Variants in DOCK2 observed in about 807,000 individuals in gnomAD.
DOCK2 encodes the protein dedicator of cytokinesis 2.
A neutral mutation model predicts 248.9 loss-of-function variants in DOCK2; 87 were observed. The ratio of observed to expected loss-of-function variants is 0.35; its 90% CI spans 0.29 to 0.42. The LOEUF is 0.42. Ranked by LOEUF, DOCK2 falls within the 10% of genes least tolerant of loss-of-function variation. DOCK2 has a pLI of 1.00. For synonymous variants in DOCK2, 805 were observed against 821.6 expected, an observed-to-expected ratio of 0.98 and a Z score of 0.35; for missense variants, 1,747 against 2,300.2, an observed-to-expected ratio of 0.76 and a Z score of 4.92.
In DOCK2 at chr5:170,076,012, C is replaced by T. The variant is rs369880478; in HGVS notation, c.4794C>T (p.Phe1598=). The T allele has an allele frequency of 2.2e-5, 35 of 1,614,006 alleles. No homozygotes were observed. The highest frequency in any genetic ancestry group is 1.6e-4 in the Middle Eastern group (1 of 6,084). Residue 1598 remains phenylalanine, a synonymous_variant, in exon 47 of 52, where the codon TTC becomes TTT. Coordinates refer to ENST00000520908, the MANE Select transcript of DOCK2 (RefSeq NM_004946.3). The part of the protein sequence containing the change: ...EKRVSDNLRP[F]HDRMEECFKN... Reference sequence around the variant, plus strand: ...GGGTGTCAGATAACTTGCGACCCTTCCATGACCGGATGGAGGAATGTTTCA... The same window carrying T: ...GGGTGTCAGATAACTTGCGACCCTTTCATGACCGGATGGAGGAATGTTTCA...
intron 6 of DOCK2, among the ~76,000 whole-genome samples, chr5:169,679,558 A>C (rs1759535874): frequency 6.6e-6 from 1 of 152,192 alleles, no homozygotes; most frequent in African/African-American, 2.4e-5. Flanking sequence ...TGTATTTTAG[A>C]ACCGAATCCA....
At chr5:170,025,339 G>T (rs1365369569) in intron 33 of DOCK2, among the ~76,000 whole-genome samples, 5 of 152,222 alleles carry the variant, frequency 3.3e-5, no homozygotes, top group Non-Finnish European at 5.9e-5. Flanking sequence ...GTTGTCTAGG[G>T]CTGGTTTTGT....
intron 6 of DOCK2, among the ~76,000 whole-genome samples, chr5:169,675,270 A>G (rs1472498023): frequency 6.6e-6 from 1 of 151,922 alleles, no homozygotes; most frequent in Admixed American, 6.5e-5. Flanking sequence ...GGGCCTCACC[A>G]CTCTGCTACT....
chr5:169,683,297 A>G (rs899726772), intron 7 of DOCK2, among the ~76,000 whole-genome samples: 11 of 152,122 alleles, frequency 7.2e-5, no homozygotes, highest in Admixed American at 3.3e-4. Flanking sequence ...TGGTGTGATC[A>G]TGGCTCACTG....
intron 44 of DOCK2, among the ~76,000 whole-genome samples, chr5:170,063,673 C>T (rs973428160): frequency 3.9e-5 from 6 of 152,150 alleles, no homozygotes; most frequent in South Asian, 2.1e-4. Flanking sequence ...GGCCACATAC[C>T]AAGTGCCACA....
chr5:169,837,404 C>T (rs1031059617), intron 26 of DOCK2, among the ~76,000 whole-genome samples: 2 of 152,158 alleles, frequency 1.3e-5, no homozygotes, highest in Admixed American at 6.5e-5. Flanking sequence ...GAAAGTTTTC[C>T]ATTTGCATAT....
At chr5:169,960,802 TTC>T (rs1278504554) in intron 27 of DOCK2, among the ~76,000 whole-genome samples, 1 of 152,216 alleles carries the variant, frequency 6.6e-6, no homozygotes, top group Non-Finnish European at 1.5e-5. Flanking sequence ...TTAAATTGTG[TTC>T]TGTTCTGAGT....
chr5:169,921,800 C>T (rs1469518627), intron 27 of DOCK2, among the ~76,000 whole-genome samples: 2 of 152,164 alleles, frequency 1.3e-5, no homozygotes, highest in Non-Finnish European at 2.9e-5. Context: ...ACAGTCTTCT[C>T]CCAGAGCTCT....
At chr5:170,011,594 C>T (rs1755298001) in intron 32 of DOCK2, among the ~76,000 whole-genome samples, 1 of 152,134 alleles carries the variant, frequency 6.6e-6, no homozygotes, top group African/African-American at 2.4e-5. Flanking sequence ...CTACCTGAAC[C>T]CAGGATTCAG....
chr5:169,681,617 A>T, intron 6 of DOCK2, 127 bp from the exon 7 acceptor site: 1 of 1,135,178 alleles, frequency 8.8e-7, no homozygotes. Context: ...CCAGGCTATC[A>T]GTGTAGAGCT....
At chr5:169,935,188 G>A (rs1775928588) in intron 27 of DOCK2, among the ~76,000 whole-genome samples, 1 of 152,212 alleles carries the variant, frequency 6.6e-6, no homozygotes, top group Non-Finnish European at 1.5e-5. Flanking sequence ...AAGACAGTCT[G>A]CAGAGCAGCA....
chr5:169,836,750 T>C (rs931346015), intron 26 of DOCK2, among the ~76,000 whole-genome samples: 5 of 152,166 alleles, frequency 3.3e-5, no homozygotes, highest in African/African-American at 1.2e-4. Flanking sequence ...AAAGGTGTTT[T>C]TACAAGAACT....
intron 25 of DOCK2, among the ~76,000 whole-genome samples, chr5:169,772,463 G>A (rs910502377): frequency 4.6e-5 from 7 of 152,182 alleles, no homozygotes; most frequent in African/African-American, 1.7e-4. Context: ...AACATCAGCA[G>A]TTGCAACAGC....
chr5:170,034,115 A>G (rs1756237818), intron 34 of DOCK2, among the ~76,000 whole-genome samples: 1 of 152,190 alleles, frequency 6.6e-6, no homozygotes, highest in Non-Finnish European at 1.5e-5. Context: ...TCCCCAAAAA[A>G]GTTTTCTTGA....
rs79982469 is a variant in DOCK2 at position 170,063,599 on chromosome 5, A to G, written c.4468-3911A>G. Among the ~76,000 whole-genome samples the G allele has an allele frequency of 3.0e-4, 46 of 152,318 alleles. No homozygotes were observed. The East Asian group carries it at 8.9e-3, about 29-fold the overall frequency. On this transcript the variant is annotated intron_variant, in intron 44 of 51. Transcript: ENST00000520908. ...CAGAGCCAGAGGTTGGCACTTCACTAGCCTTTCCTCTGTCTCAACCTAGTG... is the reference window on the plus strand; with the variant it reads ...CAGAGCCAGAGGTTGGCACTTCACTGGCCTTTCCTCTGTCTCAACCTAGTG...
intron 47 of DOCK2, 147 bp downstream of exon 47, chr5:170,076,231 C>A: frequency 8.0e-7 from 1 of 1,252,798 alleles, no homozygotes; most frequent in African/African-American, 1.5e-5. Context: ...GGATCCCATC[C>A]AGGGGAACCC....
chr5:169,837,166 GA>G (rs60253660), intron 26 of DOCK2, among the ~76,000 whole-genome samples: 41,647 of 151,368 alleles, frequency 0.28, 7,583 homozygotes, highest in African/African-American at 0.52. Context: ...ATTATTAAAA[GA>G]AAAAAAAATC....
At chr5:169,666,501 T>A (rs1315000462) in intron 2 of DOCK2, among the ~76,000 whole-genome samples, 1 of 152,226 alleles carries the variant, frequency 6.6e-6, no homozygotes, top group Non-Finnish European at 1.5e-5. Context: ...CATGTTACAC[T>A]GAGCCTGCTT....
intron 27 of DOCK2, among the ~76,000 whole-genome samples, chr5:169,919,585 T>G (rs1279749917): frequency 6.6e-6 from 1 of 152,212 alleles, no homozygotes; most frequent in Non-Finnish European, 1.5e-5. Flanking sequence ...CATTAATGGT[T>G]TGAAGAAGTG....
Sources: gnomAD v4.1 joint callset for allele counts (sites outside exome capture counted in the v4.1 genomes callset) on GRCh38, gnomAD v4.1.1 for gene constraint, MANE v1.5 for transcripts, NCBI Gene and HGNC (gene_info 2026-07-23, HGNC 2026-07-21) for gene names.